Variants in RBFOX1 observed in about 807,000 individuals in gnomAD.
RBFOX1 encodes RNA binding fox-1 homolog 1.
Under a neutral mutation model 57.7 loss-of-function variants are expected in RBFOX1, and 8 were observed. The ratio of observed to expected loss-of-function variants is 0.14; its 90% CI spans 0.08 to 0.25. RBFOX1 has a LOEUF of 0.25. RBFOX1 is among the 10% of genes least tolerant of loss of function. RBFOX1 has a pLI of 1.00. For synonymous variants in RBFOX1, 326 were observed against 222.4 expected (o/e 1.47, Z -4.15); for missense variants, 611 against 548.5 (o/e 1.11, Z -1.14).
At chr16:7,400,939 C>T (rs991209119) in intron 4 of RBFOX1, among the ~76,000 whole-genome samples, 2 of 152,160 alleles carry the variant, frequency 1.3e-5, no homozygotes, top group African/African-American at 4.8e-5. Flanking sequence ...TCACATACCA[C>T]CACGGTATTT....
At chr16:6,037,587 T>A (rs370224547) in intron 1 of RBFOX1, 10 of 152,160 alleles carry the variant, frequency 6.6e-5, no homozygotes, top group African/African-American at 2.4e-4. Context: ...TTTTTTTGTT[T>A]TGTTTTGTTT....
chr16:5,780,736 T>G lies in RBFOX1; in HGVS notation c.319-86567T>G, dbSNP rs182132423. ...TTCTGAAATTCCACCGTTAAGTCAC[T>G]TGAGTACAAGATGTACAGGCAGCTC... is the stretch of plus-strand genomic sequence containing the variant. On this transcript the variant is annotated intron_variant, in intron 3 of 19. Coordinates refer to the RBFOX1 transcript ENST00000641259. Among the ~76,000 whole-genome samples the G allele has an allele frequency of 8.1e-3, 1,235 of 152,252 alleles. 20 individuals carry two copies. Among genetic ancestry groups the G allele is most frequent in the Non-Finnish European group, 7.9e-3 (537 of 68,006 alleles).
chr16:6,063,505 A>ACACACACC (rs1567364306), intron 1 of RBFOX1, among the ~76,000 whole-genome samples: 2 of 30,308 alleles, frequency 6.6e-5, no homozygotes, highest in African/African-American at 2.6e-4. Context: ...ACACACACAC[A>ACACACACC]CCCCCTTATA....
At chr16:6,596,123 G>C (rs1188352027) in intron 2 of RBFOX1, among the ~76,000 whole-genome samples, 1 of 151,964 alleles carries the variant, frequency 6.6e-6, no homozygotes, top group Non-Finnish European at 1.5e-5. Flanking sequence ...TTAAAAAATG[G>C]ATACAGTCCA....
At chr16:6,130,946 A>G (rs993041584) in intron 1 of RBFOX1, among the ~76,000 whole-genome samples, 8 of 152,166 alleles carry the variant, frequency 5.3e-5, no homozygotes, top group African/African-American at 1.9e-4. Context: ...TGCAATCAAC[A>G]ACTCTCTCTG....
chr16:6,519,852 G>A (rs535467093), intron 2 of RBFOX1, among the ~76,000 whole-genome samples: 1 of 152,312 alleles, frequency 6.6e-6, no homozygotes, highest in South Asian at 2.1e-4. Context: ...GGGTTAGCAA[G>A]ATGAAAGGAC....
intron 3 of RBFOX1, among the ~76,000 whole-genome samples, chr16:6,908,157 C>G (rs770126159): frequency 2.6e-5 from 4 of 151,764 alleles, no homozygotes; most frequent in African/African-American, 4.8e-5. Flanking sequence ...TCCTAACAAT[C>G]TACTTCTCTG....
At chr16:5,439,659 C>G (rs181707736) in intron 1 of RBFOX1, among the ~76,000 whole-genome samples, 2 of 152,010 alleles carry the variant, frequency 1.3e-5, no homozygotes, top group African/African-American at 2.4e-5. Flanking sequence ...ATGAGAAAGA[C>G]GGGCCTCACT....
At chr16:5,396,365 G>A (rs1268426218) in intron 1 of RBFOX1, among the ~76,000 whole-genome samples, 1 of 152,142 alleles carries the variant, frequency 6.6e-6, no homozygotes, top group Non-Finnish European at 1.5e-5. Flanking sequence ...GAGGGGCGAG[G>A]CATGGGGGCT....
At chr16:6,399,444 C>G (rs1007906254) in intron 2 of RBFOX1, among the ~76,000 whole-genome samples, 6 of 152,210 alleles carry the variant, frequency 3.9e-5, no homozygotes, top group Admixed American at 2.0e-4. Context: ...CCACCAGACT[C>G]TCTGCTAAAA....
chr16:7,464,365 A>G (rs1369783500), intron 4 of RBFOX1, among the ~76,000 whole-genome samples: 1 of 152,134 alleles, frequency 6.6e-6, no homozygotes, highest in Non-Finnish European at 1.5e-5. Context: ...CCAAAGGAAT[A>G]TCGCAGAAGC....
intron 4 of RBFOX1, among the ~76,000 whole-genome samples, chr16:7,284,052 CCTGA>C (rs1167967446): frequency 6.6e-6 from 1 of 152,180 alleles, no homozygotes; most frequent in Non-Finnish European, 1.5e-5. Flanking sequence ...AGCCTTTAGG[CCTGA>C]CTATCTCTGT....
At chr16:6,434,782 A>G (rs2094189332) in intron 2 of RBFOX1, among the ~76,000 whole-genome samples, 1 of 152,204 alleles carries the variant, frequency 6.6e-6, no homozygotes, top group Non-Finnish European at 1.5e-5. Flanking sequence ...TATATTTTTT[A>G]GAGAATGACC....
chr16:6,463,950 A>G (rs2094980562), intron 2 of RBFOX1, among the ~76,000 whole-genome samples: 1 of 152,056 alleles, frequency 6.6e-6, no homozygotes, highest in Non-Finnish European at 1.5e-5. Flanking sequence ...AGAGGAGGAG[A>G]GCCACTAAGA....
At chr16:7,149,502 T>TC (rs1297545174) in intron 4 of RBFOX1, among the ~76,000 whole-genome samples, 1,297 of 56,910 alleles carry the variant, frequency 0.023, 33 homozygotes, top group African/African-American at 0.067. Context: ...TTTTTTTTTT[T>TC]CCCCGACAGG....
At chr16:5,746,465 A>T (rs1200693397) in intron 3 of RBFOX1, among the ~76,000 whole-genome samples, 1 of 152,138 alleles carries the variant, frequency 6.6e-6, no homozygotes, top group Non-Finnish European at 1.5e-5. Flanking sequence ...GTTTTTTCCA[A>T]TTCTGTGAAG....
At chr16:6,044,140 G>A (rs1209528825) in intron 1 of RBFOX1, among the ~76,000 whole-genome samples, 10 of 152,156 alleles carry the variant, frequency 6.6e-5, no homozygotes, top group Non-Finnish European at 1.5e-4. Flanking sequence ...ACTGAGGGTA[G>A]TCATATTTGA....
chr16:7,481,365 T>C (rs1035780243), intron 4 of RBFOX1, among the ~76,000 whole-genome samples: 3 of 152,228 alleles, frequency 2.0e-5, no homozygotes, highest in Admixed American at 6.5e-5. Context: ...TATGCACATA[T>C]GTCAGGTGAT....
At chr16:6,096,443 T>C (rs983484436) in intron 1 of RBFOX1, among the ~76,000 whole-genome samples, 5 of 152,176 alleles carry the variant, frequency 3.3e-5, no homozygotes, top group Admixed American at 1.3e-4. Flanking sequence ...CTCACATCTC[T>C]TTAGGACTGC....
Sources: allele counts gnomAD v4.1 joint callset (sites outside exome capture counted in the v4.1 genomes callset), GRCh38; gene constraint gnomAD v4.1.1; transcripts MANE v1.5; gene names NCBI Gene and HGNC (gene_info 2026-07-23, HGNC 2026-07-21).